Variants in MFNG observed in about 807,000 individuals in gnomAD.
MFNG encodes beta-1,3-N-acetylglucosaminyltransferase manic fringe.
Under a neutral mutation model 34.2 loss-of-function variants are expected in MFNG, and 24 were observed. The ratio of observed to expected loss-of-function variants is 0.70; its 90% confidence interval spans 0.51 to 0.99. The LOEUF is 0.99. Among genes scored for constraint, MFNG ranks in the 50% least tolerant of loss-of-function variants. The pLI is 0.00. For missense variants in MFNG, 383 were observed against 424.0 expected (o/e 0.90, Z 0.85); for synonymous variants, 158 against 179.2 (o/e 0.88, Z 0.94).
At chr22:37,474,928 T>C (rs1452251109) in intron 5 of MFNG, among the ~76,000 whole-genome samples, 1 of 152,200 alleles carries the variant, frequency 6.6e-6, no homozygotes, top group African/African-American at 2.4e-5. Flanking sequence ...AATGGGAAGG[T>C]GATGCCCTTT....
Position 37,475,247 on chromosome 22 carries a change from A to C in MFNG, c.648-570T>G, listed in dbSNP as rs11913496. On this transcript the variant is annotated intron_variant, in intron 5 of 7. Coordinates refer to ENST00000356998, the MANE Select transcript of MFNG (RefSeq NM_002405.4). ...TTGTTTGTTTGTTTGTTTTTGAGAC[A>C]GAGTCTCCCTTCATTGCCCAGGCTG... Among the ~76,000 whole-genome samples, 571 of 152,256 alleles carry C rather than the reference A, an allele frequency of 3.8e-3. 8 individuals carry two copies. The highest frequency in any genetic ancestry group is 0.013 in the African/African-American group (555 of 41,548).
chr22:37,470,675 A>G (rs1028748579), intron 7 of MFNG, among the ~76,000 whole-genome samples: 2 of 152,212 alleles, frequency 1.3e-5, no homozygotes, highest in Non-Finnish European at 2.9e-5. Flanking sequence ...GGCCCTCAGC[A>G]TCATGGGAGC....
rs1921700277 is a variant in MFNG, at chr22:37,469,291, T to C, written c.*672A>G. ...CCTCTGGCCAGAGCTGGTCCCATGG[T>C]AGCCCCTAACAGCAAGAAAGGCTGG... On this transcript the variant is annotated 3_prime_UTR_variant, in exon 8 of 8. Coordinates refer to ENST00000356998, the MANE Select transcript of MFNG (RefSeq NM_002405.4). 1 of 161,232 alleles carries C rather than the reference T, an allele frequency of 6.2e-6. No homozygotes were observed. The highest frequency in any genetic ancestry group is 5.9e-5 in the Admixed American group (1 of 16,918). The allele number at this position is 161,232 out of a possible 1,614,324, so 10.0% of individuals were successfully genotyped here. A position where few individuals can be genotyped will look rare whatever the true frequency, so the allele number is the denominator to read the frequency against.
intron 6 of MFNG, among the ~76,000 whole-genome samples, chr22:37,474,201 G>A (rs1921936075): frequency 6.6e-6 from 1 of 152,190 alleles, no homozygotes; most frequent in South Asian, 2.1e-4. Context: ...TGGAGAGCAG[G>A]GTGGTGGGAA....
chr22:37,474,845 C>CA lies in MFNG; in HGVS notation c.648-169dup, dbSNP rs1254654924. Among the ~76,000 whole-genome samples the CA allele has an allele frequency of 2.0e-5, 3 of 152,232 alleles. No individual in the cohort carries two copies. In the East Asian group the frequency reaches 5.8e-4, roughly 29 times the overall value. On this transcript the variant is annotated intron_variant, in intron 5 of 7. Transcript: ENST00000356998. ...CAGGAACCTTGGGGAGCCTCAGCCT[C>CA]AGTCTCCTGTTCTGTGAAATGGGGA...
At chr22:37,480,817 C>A (rs1192313196) in intron 1 of MFNG, 48 bp from the exon 2 acceptor site, 1 of 1,560,328 alleles carries the variant, frequency 6.4e-7, no homozygotes, top group Admixed American at 1.8e-5. Flanking sequence ...CCAAGGGACA[C>A]CCCAGACCAA....
rs1033140614 is a variant in MFNG, at chr22:37,482,705, C to T, written c.256-1936G>A. Among the ~76,000 whole-genome samples the T allele has an allele frequency of 1.3e-4, 20 of 152,198 alleles. No individual in the cohort carries two copies. The highest frequency in any genetic ancestry group is 1.2e-3 in the Admixed American group (18 of 15,278). The stretch of plus-strand genomic sequence containing the variant: ...TTCTCTCCCCGTCTCTTCCACCAGA[C>T]GATGGCATCCTGGAGACCACAGGCT... On this transcript the variant is annotated intron_variant, in intron 1 of 7. Transcript: ENST00000356998. This position sits in a 1 kb window ranked among gnomAD's most constrained non-coding sequence, Gnocchi z 4.1.
intron 6 of MFNG, among the ~76,000 whole-genome samples, chr22:37,474,065 C>G (rs1412682859): frequency 4.6e-5 from 7 of 152,164 alleles, no homozygotes; most frequent in Admixed American, 4.6e-4. Context: ...TTGGCAGGAA[C>G]AGCACTGAGC....
At chr22:37,480,687 AG>A in intron 2 of MFNG, 33 bp downstream of exon 2, 2 of 1,607,810 alleles carry the variant, frequency 1.2e-6, no homozygotes, top group Non-Finnish European at 1.7e-6. Context: ...CAACAGCTAA[AG>A]TCCCCCACCA....
At position 37,485,603 on chromosome 22, in the gene MFNG, G is replaced by A. The variant is rs1429626793; in HGVS notation, c.255+320C>T. On this transcript the variant is annotated intron_variant, in intron 1 of 7. Coordinates refer to ENST00000356998, the MANE Select transcript of MFNG (RefSeq NM_002405.4). The surrounding 1 kb of genome is among the most constrained non-coding windows in gnomAD (Gnocchi z 5.3). ...CTGGGCCTGGGTGGCTAGGAGCGAA[G>A]CCCCCACGGGAGCGGCTAGGAATAG... 6.6e-6 allele frequency among the ~76,000 whole-genome samples: 1 copy of A among 152,184 alleles called. No individual in the cohort carries two copies. The highest frequency in any genetic ancestry group is 2.4e-5 in the African/African-American group (1 of 41,442).
At chr22:37,480,615 G>T (rs1922251420) in intron 2 of MFNG, 106 bp downstream of exon 2, 1 of 1,082,186 alleles carries the variant, frequency 9.2e-7, no homozygotes, top group African/African-American at 1.6e-5. Context: ...ACATGCCAAG[G>T]GTGGGCGGCC....
chr22:37,474,556 G>T lies in MFNG; in HGVS notation c.769C>A (p.Leu257Met), dbSNP rs1484081729. 1.2e-6 allele frequency: 2 copies of T among 1,614,192 alleles called. No individual in the cohort carries two copies. Among genetic ancestry groups the T allele is most frequent in the East Asian group, 2.2e-5 (1 of 44,884 alleles). Residue 257 changes from leucine to methionine, a missense_variant, in exon 6 of 8, where the codon CTG becomes ATG. Leu to Met is a conservative substitution (Grantham distance 15). Transcript: ENST00000356998. ...LQPSPLFHSH[L>M]ETLQLLRTAQ... is the part of the protein sequence containing the mutation. ...GTCCTCAGCAGCTGCAGGGTCTCCA[G>T]GTGGGAGTGAAAGAGGGGGCTGGGC...
At chr22:37,480,424 C>G (rs1922241414) in intron 2 of MFNG, 125 bp from the exon 3 acceptor site, 1 of 751,668 alleles carries the variant, frequency 1.3e-6, no homozygotes, top group Admixed American at 2.5e-5. Context: ...CCATTTTACA[C>G]ATGGTAGGAC....
At chr22:37,472,596 G>T in intron 6 of MFNG, 68 bp from the exon 7 acceptor site, 1 of 1,410,820 alleles carries the variant, frequency 7.1e-7, no homozygotes, top group Non-Finnish European at 9.7e-7. Context: ...CAGCATCCTG[G>T]CACAGGTGGA....
chr22:37,474,917 G>A (rs1921973353), intron 5 of MFNG, among the ~76,000 whole-genome samples: 10 of 152,242 alleles, frequency 6.6e-5, no homozygotes, highest in Admixed American at 6.5e-4. Context: ...ATTAAACAGG[G>A]AATGGGAAGG....
rs1922523912 is a variant in MFNG at position 37,485,863 on chromosome 22, C to T, written c.255+60G>A. On this transcript the variant is annotated intron_variant, in intron 1 of 7. Transcript: ENST00000356998. This position sits in a 1 kb window ranked among gnomAD's most constrained non-coding sequence, Gnocchi z 5.3. ...CAGGGACCCCAGCCCAGTAGAAAGG[C>T]CTCTGAGAACCCCTTAGGCCAGGGG... The T allele has an allele frequency of 1.9e-6, 3 of 1,548,842 alleles. No homozygotes were observed. The highest frequency in any genetic ancestry group is 2.6e-6 in the Non-Finnish European group (3 of 1,144,606).
rs774891100 is a variant in MFNG at position 37,486,003 on chromosome 22, C to G, written c.175G>C (p.Ala59Pro). ...TGGAAAGCCCGGGTCGTCTTCACTG[C>G]AATGAAGACATCGTGTAGCTGTAGC... The part of the protein sequence containing the change: ...PKLQLHDVFI[A>P]VKTTRAFHRL... Residue 59 changes from alanine to proline, a missense_variant, in exon 1 of 8, where the codon GCA becomes CCA. Physicochemically the swap from Ala to Pro is conservative, Grantham distance 27. Coordinates refer to ENST00000356998, the MANE Select transcript of MFNG (RefSeq NM_002405.4). The G allele has an allele frequency of 1.2e-5, 20 of 1,613,994 alleles. No individual in the cohort carries two copies. The highest frequency in any genetic ancestry group is 1.7e-5 in the Non-Finnish European group (20 of 1,180,014).
chr22:37,486,308 G>C lies in MFNG; in HGVS notation c.-131C>G. The C allele has an allele frequency of 9.3e-7, 1 of 1,075,058 alleles. No individual in the cohort carries two copies. Among genetic ancestry groups the C allele is most frequent in the Non-Finnish European group, 1.3e-6 (1 of 787,480 alleles). The allele number at this position is 1,075,058 out of a possible 1,614,324, so 66.6% of individuals were successfully genotyped here. A position where few individuals can be genotyped will look rare whatever the true frequency, so the allele number is the denominator to read the frequency against. On this transcript the variant is annotated 5_prime_UTR_variant, in exon 1 of 8. Coordinates refer to ENST00000356998, the MANE Select transcript of MFNG (RefSeq NM_002405.4). ...ATCAGGGGCTGGCAAGGAGGGAAGA[G>C]GTAGGAGCTGAGGCTCTGGACCCAG... is the stretch of plus-strand genomic sequence containing the variant.
intron 1 of MFNG, 120 bp from the exon 2 acceptor site, chr22:37,480,889 C>T: frequency 1.2e-6 from 1 of 826,264 alleles, no homozygotes. Context: ...ACAGACACAC[C>T]CCTCTCATGG....
Sources: gnomAD v4.1 joint callset for allele counts (sites outside exome capture counted in the v4.1 genomes callset) on GRCh38, gnomAD v4.1.1 for gene constraint, Gnocchi (gnomAD v3.1) non-coding constraint, MANE v1.5 for transcripts, NCBI Gene and HGNC (gene_info 2026-07-23, HGNC 2026-07-21) for gene names.